NAV3: variants seen among roughly 807,000 people sequenced by gnomAD.
NAV3 encodes the protein neuron navigator 3.
In NAV3, 87 loss-of-function variants were observed where a neutral mutation model predicts 244.7. The ratio of observed to expected loss-of-function variants is 0.36; its 90% CI spans 0.30 to 0.42. The LOEUF (loss-of-function observed/expected upper bound fraction) is 0.42, where lower values mean the gene tolerates loss of function less well. Ranked by LOEUF, NAV3 falls within the 20% of genes least tolerant of loss-of-function variation. NAV3 has a pLI of 1.00. For synonymous variants in NAV3, 1,126 were observed against 1,042.2 expected (o/e 1.08, Z -1.55); for missense variants, 2,663 against 2,893.3 (o/e 0.92, Z 1.83).
intron 24 of NAV3, among the ~76,000 whole-genome samples, chr12:78,173,144 GA>G (rs1308643724): frequency 6.6e-6 from 1 of 151,390 alleles, no homozygotes; most frequent in Non-Finnish European, 1.5e-5. Flanking sequence ...ATTCTTTACT[GA>G]ACTTTATGAT....
intron 18 of NAV3, chr12:78,130,514 C>T (rs1048186339): frequency 5.4e-5 from 11 of 202,150 alleles, no homozygotes; most frequent in East Asian, 1.2e-4. Flanking sequence ...AGGGAAGCCT[C>T]GATTCCTGGC....
At chr12:77,883,664 G>A (rs1015278446) in intron 1 of NAV3, among the ~76,000 whole-genome samples, 7 of 152,092 alleles carry the variant, frequency 4.6e-5, no homozygotes, top group African/African-American at 1.7e-4. Context: ...AAAGAGTATG[G>A]GAGTGAGAGA....
chr12:77,842,413 A>C (rs1043812438), intron 1 of NAV3, among the ~76,000 whole-genome samples: 3 of 151,838 alleles, frequency 2.0e-5, no homozygotes, highest in African/African-American at 7.3e-5. Context: ...AATACCTGTT[A>C]TTAGCATTAT....
At chr12:77,672,421 C>A (rs901880232) in intron 2 of NAV3, among the ~76,000 whole-genome samples, 1 of 152,052 alleles carries the variant, frequency 6.6e-6, no homozygotes, top group Non-Finnish European at 1.5e-5. Context: ...GAAAATAAGT[C>A]ACTATATGAA....
In NAV3 at chr12:77,734,505, C is replaced by A. The variant is rs575589492; in HGVS notation, c.72+162239C>A. Among the ~76,000 whole-genome samples the A allele has an allele frequency of 9.2e-5, 14 of 152,168 alleles. No homozygotes were observed. In the South Asian group the frequency reaches 2.9e-3, roughly 32 times the overall value. On this transcript the variant is annotated intron_variant, in intron 2 of 8. Coordinates refer to the NAV3 transcript ENST00000550042. ...TAAATTTTGAAGCATTGGCTGATGA[C>A]CCTTATAGAAGTTAGACAAATCACA...
At chr12:78,210,303 A>G in intron 39 of NAV3, 95 bp from the exon 40 acceptor site, 1 of 1,559,368 alleles carries the variant, frequency 6.4e-7, no homozygotes, top group East Asian at 2.3e-5. Flanking sequence ...GGATGGGATA[A>G]GATAGCTCTT....
At chr12:77,967,873 A>C (rs1418812879) in intron 4 of NAV3, among the ~76,000 whole-genome samples, 1 of 152,174 alleles carries the variant, frequency 6.6e-6, no homozygotes, top group African/African-American at 2.4e-5. Flanking sequence ...ATAAATTAAA[A>C]ATAAAAGAAT....
intron 9 of NAV3, among the ~76,000 whole-genome samples, chr12:78,024,811 T>C (rs907034516): frequency 6.6e-6 from 1 of 151,826 alleles, no homozygotes; most frequent in Non-Finnish European, 1.5e-5. Context: ...CCGTCTCTAC[T>C]AAAAATACAA....
intron 24 of NAV3, among the ~76,000 whole-genome samples, chr12:78,174,393 T>G (rs1958131878): frequency 6.6e-6 from 1 of 151,858 alleles, no homozygotes. Context: ...CCATACCATA[T>G]GCTGCGTACA....
intron 2 of NAV3, among the ~76,000 whole-genome samples, chr12:77,726,381 T>C (rs528622906): frequency 6.6e-6 from 1 of 151,994 alleles, no homozygotes; most frequent in Admixed American, 6.6e-5. Flanking sequence ...ATTTATTGTA[T>C]ATCAGTTGTG....
intron 1 of NAV3, among the ~76,000 whole-genome samples, chr12:77,932,167 C>A (rs1299793129): frequency 6.6e-6 from 1 of 152,120 alleles, no homozygotes; most frequent in Non-Finnish European, 1.5e-5. Flanking sequence ...GGGGTCTCAA[C>A]ATAAGTATAT....
At chr12:78,142,739 A>G (rs1287737030) in intron 20 of NAV3, among the ~76,000 whole-genome samples, 4 of 132,286 alleles carry the variant, frequency 3.0e-5, no homozygotes, top group East Asian at 2.5e-4. Flanking sequence ...GTGTGTGTGT[A>G]TATATATATT....
At chr12:77,805,233 T>C (rs187229299) in intron 2 of NAV3, among the ~76,000 whole-genome samples, 104 of 152,292 alleles carry the variant, frequency 6.8e-4, no homozygotes, top group Middle Eastern at 3.4e-3. Context: ...GAGGGCGTCC[T>C]TTTCTTGTGC....
intron 1 of NAV3, among the ~76,000 whole-genome samples, chr12:77,900,377 G>A (rs1885140833): frequency 6.6e-6 from 1 of 152,108 alleles, no homozygotes; most frequent in Admixed American, 6.5e-5. Context: ...CACCTGGCCT[G>A]TTCTCATCTT....
intron 1 of NAV3, among the ~76,000 whole-genome samples, chr12:77,834,644 A>G (rs1874306697): frequency 1.3e-5 from 2 of 152,178 alleles, no homozygotes; most frequent in Admixed American, 1.3e-4. Context: ...TGAGCACTAT[A>G]AGCACTGTTT....
At chr12:78,046,596 C>T (rs1881837003) in intron 9 of NAV3, among the ~76,000 whole-genome samples, 1 of 152,140 alleles carries the variant, frequency 6.6e-6, no homozygotes, top group Non-Finnish European at 1.5e-5. Context: ...GTCTGAGAGA[C>T]TATTTGTTAG....
At chr12:78,139,816 T>A (rs542520459) in intron 19 of NAV3, among the ~76,000 whole-genome samples, 49 of 152,238 alleles carry the variant, frequency 3.2e-4, no homozygotes, top group African/African-American at 1.2e-3. Context: ...CAGATAATGT[T>A]GTAATAACAC....
At position 77,685,506 on chromosome 12, in the gene NAV3, C is replaced by CACACACACACACAT. The variant is rs34407806; in HGVS notation, c.72+113241_72+113242insCACACACACACATA. ...ACACACACACACACACACACACACA[C>CACACACACACACAT]ATACCCACACGCACACCATTGGTTT... On this transcript the variant is annotated intron_variant, in intron 2 of 8. Coordinates refer to the NAV3 transcript ENST00000550042. 1.4e-3 allele frequency among the ~76,000 whole-genome samples: 211 copies of CACACACACACACAT among 150,712 alleles called. 1 individual carries two copies. The highest frequency in any genetic ancestry group is 4.6e-3 in the African/African-American group (190 of 40,964).
At chr12:77,625,843 T>TA (rs1466460235) in intron 2 of NAV3, among the ~76,000 whole-genome samples, 3 of 152,192 alleles carry the variant, frequency 2.0e-5, no homozygotes, top group Non-Finnish European at 4.4e-5. Context: ...ATGCAACTGT[T>TA]ACAGCAAGTG....
Sources: allele counts gnomAD v4.1 joint callset (sites outside exome capture counted in the v4.1 genomes callset), GRCh38; gene constraint gnomAD v4.1.1; transcripts MANE v1.5; gene names NCBI Gene and HGNC (gene_info 2026-07-23, HGNC 2026-07-21).